B3GALT1: variants seen among roughly 807,000 people sequenced by gnomAD.
B3GALT1 encodes the protein UDP-Gal:betaGlcNAc beta 1,3-galactosyltransferase, polypeptide 1.
B3GALT1 carries 10 observed loss-of-function variants against 23.2 expected under a neutral mutation model. The ratio of observed to expected loss-of-function variants is 0.43; its 90% CI spans 0.27 to 0.73. The LOEUF (loss-of-function observed/expected upper bound fraction) is 0.73. Among genes scored for constraint, B3GALT1 ranks in the 30% least tolerant of loss-of-function variants. The probability of loss-of-function intolerance (pLI) is 0.21; values close to 1 mark genes in which losing one functional copy is unlikely to be tolerated. For missense variants in B3GALT1, 299 were observed against 405.4 expected (o/e 0.74, Z 2.25); for synonymous variants, 156 against 141.5 (o/e 1.10, Z -0.73).
intron 1 of B3GALT1, among the ~76,000 whole-genome samples, chr2:167,351,674 T>C (rs1442902068): frequency 6.6e-6 from 1 of 152,212 alleles, no homozygotes; most frequent in East Asian, 1.9e-4. Context: ...AACAACATAC[T>C]AGTAAAAGAA....
At chr2:167,322,617 G>A (rs1696830950) in intron 1 of B3GALT1, among the ~76,000 whole-genome samples, 1 of 151,950 alleles carries the variant, frequency 6.6e-6, no homozygotes, top group African/African-American at 2.4e-5. Flanking sequence ...TAGCGATTTT[G>A]CAAGGGAATG....
Position 167,787,613 on chromosome 2 carries a change from G to A in B3GALT1, c.-351-31059G>A, listed in dbSNP as rs138665849. Among the ~76,000 whole-genome samples the A allele has an allele frequency of 5.5e-4, 84 of 152,294 alleles. No individual in the cohort carries two copies. In the East Asian group the frequency reaches 0.015, roughly 27 times the overall value. ...ACTCACCATCACATTTTCAAGAGAG[G>A]TGCTTCCCCATCCATTCTGGACATG... On this transcript the variant is annotated intron_variant, in intron 3 of 4. Transcript: ENST00000392690.
chr2:167,352,079 C>CCTCCTGAGT (rs760790888), intron 1 of B3GALT1, among the ~76,000 whole-genome samples: 38 of 151,312 alleles, frequency 2.5e-4, no homozygotes, highest in Non-Finnish European at 4.4e-4. Flanking sequence ...CCTGCCTCAG[C>CCTCCTGAGT]CTCCTGAGTA....
At chr2:167,689,609 A>G (rs1226634468) in intron 3 of B3GALT1, among the ~76,000 whole-genome samples, 1 of 152,094 alleles carries the variant, frequency 6.6e-6, no homozygotes, top group Non-Finnish European at 1.5e-5. Context: ...AGCCATTTTA[A>G]GGTTGGAAGC....
intron 4 of B3GALT1, among the ~76,000 whole-genome samples, chr2:167,824,689 T>A (rs925211261): frequency 2.0e-5 from 3 of 152,024 alleles, no homozygotes; most frequent in African/African-American, 7.2e-5. Context: ...CAGGGACCAG[T>A]GTCATTTGGT....
At chr2:167,385,588 A>G (rs1697915726) in intron 1 of B3GALT1, among the ~76,000 whole-genome samples, 1 of 52,438 alleles carries the variant, frequency 1.9e-5, no homozygotes, top group East Asian at 1.2e-3. Context: ...AACAAAGACT[A>G]GCTTTCACTA....
chr2:167,351,425 T>C (rs1697306838), intron 1 of B3GALT1, among the ~76,000 whole-genome samples: 2 of 152,274 alleles, frequency 1.3e-5, no homozygotes, highest in Middle Eastern at 3.4e-3. Context: ...TAAACAAAAA[T>C]GAAATAAAGT....
chr2:167,648,506 A>G (rs1303695808), intron 3 of B3GALT1, among the ~76,000 whole-genome samples: 1 of 152,110 alleles, frequency 6.6e-6, no homozygotes, highest in African/African-American at 2.4e-5. Flanking sequence ...TACAATATAA[A>G]TCTAATTTGC....
chr2:167,829,110 G>A lies in B3GALT1; in HGVS notation c.-230+10317G>A, dbSNP rs531070451. ...TTACTCGGGTCTTAAAAAGCAATAC[G>A]TTAATAACTGTCTCTTACTGATTGT... is the stretch of plus-strand genomic sequence containing the variant. On this transcript the variant is annotated intron_variant, in intron 4 of 4. Coordinates refer to ENST00000392690, the MANE Select transcript of B3GALT1 (RefSeq NM_020981.4). Among the ~76,000 whole-genome samples, 202 of 152,246 alleles carry A rather than the reference G, an allele frequency of 1.3e-3. 2 individuals carry two copies. Among genetic ancestry groups the A allele is most frequent in the African/African-American group, 2.9e-3 (121 of 41,544 alleles).
intron 4 of B3GALT1, among the ~76,000 whole-genome samples, chr2:167,859,245 T>C (rs1190894110): frequency 6.6e-6 from 1 of 152,140 alleles, no homozygotes; most frequent in Non-Finnish European, 1.5e-5. Context: ...ATGTGTCTTA[T>C]ATAAGGCAGT....
intron 1 of B3GALT1, among the ~76,000 whole-genome samples, chr2:167,454,176 C>T (rs192143091): frequency 3.5e-4 from 53 of 151,714 alleles, no homozygotes; most frequent in African/African-American, 1.1e-3. Flanking sequence ...ACCAGTTTTC[C>T]GATGTAGGTA....
chr2:167,790,117 T>C (rs1688408522), intron 3 of B3GALT1, among the ~76,000 whole-genome samples: 1 of 152,214 alleles, frequency 6.6e-6, no homozygotes, highest in African/African-American at 2.4e-5. Flanking sequence ...TTTTCACTGC[T>C]GCACCTTGAT....
rs563452255 is a variant in B3GALT1 at position 167,632,506 on chromosome 2, G to A, written c.-409-14403G>A. On this transcript the variant is annotated intron_variant, in intron 2 of 4. Transcript: ENST00000392690. Reference sequence around the variant, plus strand: ...GCCATTCTAACTGGCATGAGATGGTGTCTCATTGTGGTTTTGATTTGCATT... The same window carrying A: ...GCCATTCTAACTGGCATGAGATGGTATCTCATTGTGGTTTTGATTTGCATT... Among the ~76,000 whole-genome samples the A allele has an allele frequency of 7.9e-5, 12 of 151,908 alleles. No individual in the cohort carries two copies. The South Asian group carries it at 2.1e-3, about 26-fold the overall frequency.
intron 3 of B3GALT1, among the ~76,000 whole-genome samples, chr2:167,725,120 C>T (rs1053571740): frequency 1.3e-5 from 2 of 152,162 alleles, no homozygotes; most frequent in South Asian, 4.1e-4. Context: ...GCCCACAGCT[C>T]GCTCCTGTAT....
intron 2 of B3GALT1, among the ~76,000 whole-genome samples, chr2:167,494,584 T>A (rs1383790405): frequency 6.6e-6 from 1 of 152,160 alleles, no homozygotes; most frequent in Non-Finnish European, 1.5e-5. Flanking sequence ...TGTGGTGAAA[T>A]TTCAGGTAGT....
chr2:167,570,910 A>C (rs988497017), intron 2 of B3GALT1, among the ~76,000 whole-genome samples: 2 of 151,950 alleles, frequency 1.3e-5, no homozygotes, highest in African/African-American at 4.8e-5. Flanking sequence ...AAATCTGTTC[A>C]ATTTTTTAAT....
intron 3 of B3GALT1, among the ~76,000 whole-genome samples, chr2:167,808,387 C>T (rs1688807031): frequency 6.6e-6 from 1 of 151,582 alleles, no homozygotes; most frequent in African/African-American, 2.4e-5. Context: ...GATGCAGTTT[C>T]TTCCTAGCCT....
At chr2:167,732,456 G>A (rs1198735957) in intron 3 of B3GALT1, among the ~76,000 whole-genome samples, 1 of 152,172 alleles carries the variant, frequency 6.6e-6, no homozygotes, top group African/African-American at 2.4e-5. Flanking sequence ...GTCCTGGTGA[G>A]CCTTTTCCAC....
intron 1 of B3GALT1, among the ~76,000 whole-genome samples, chr2:167,468,499 G>A (rs1468711100): frequency 2.0e-5 from 3 of 152,064 alleles, no homozygotes; most frequent in Non-Finnish European, 2.9e-5. Flanking sequence ...TAACATTTTC[G>A]ATAATTTAAA....
Sources: allele counts gnomAD v4.1 joint callset (sites outside exome capture counted in the v4.1 genomes callset), GRCh38; gene constraint gnomAD v4.1.1; transcripts MANE v1.5; gene names NCBI Gene and HGNC (gene_info 2026-07-23, HGNC 2026-07-21).